Variants in LRRC37A2 observed in about 807,000 individuals in gnomAD.
LRRC37A2 encodes the protein leucine-rich repeat-containing protein 37A2.
Under a neutral mutation model 68.8 loss-of-function variants are expected in LRRC37A2, and 9 were observed. That is an observed-to-expected ratio of 0.13 (90% CI 0.08 to 0.23). The LOEUF (loss-of-function observed/expected upper bound fraction) is 0.23. Ranked by LOEUF, LRRC37A2 falls within the 10% of genes least tolerant of loss-of-function variation. The probability of loss-of-function intolerance (pLI) is 1.00; values close to 1 mark genes in which losing one functional copy is unlikely to be tolerated. For synonymous variants in LRRC37A2, 63 were observed against 367.6 expected (o/e 0.17, Z 9.48); for missense variants, 168 against 950.4 (o/e 0.18, Z 10.82).
chr17:46,773,651 C>G, the LRRC37A2 span: 1 of 1,376,148 alleles, frequency 7.3e-7, no homozygotes, highest in Non-Finnish European at 9.7e-7. Flanking sequence ...CCCCCCCCCT[C>G]AGCCCCAAGG....
chr17:46,940,652 C>A, the LRRC37A2 span: 1 of 1,613,748 alleles, frequency 6.2e-7, no homozygotes, highest in Non-Finnish European at 8.5e-7. Context: ...GAAGTCCCCG[C>A]ACCCATCATG....
chr17:46,954,941 A>G, the LRRC37A2 span, among the ~76,000 whole-genome samples: 25 of 152,262 alleles, frequency 1.6e-4, no homozygotes, highest in African/African-American at 5.8e-4. Flanking sequence ...GGTTTTCTAG[A>G]TATACAATCA....
At chr17:47,008,463 ATT>A in the LRRC37A2 span, among the ~76,000 whole-genome samples, 2 of 134,262 alleles carry the variant, frequency 1.5e-5, no homozygotes, top group African/African-American at 2.8e-5. Flanking sequence ...ATAGATACTT[ATT>A]TTTTTTTTTT....
At chr17:46,497,021 C>T in the LRRC37A2 span, among the ~76,000 whole-genome samples, 1 of 133,198 alleles carries the variant, frequency 7.5e-6, no homozygotes, top group African/African-American at 3.0e-5. Context: ...TTTCTCTACC[C>T]TTTTGCTTTT....
the LRRC37A2 span, among the ~76,000 whole-genome samples, chr17:46,501,717 G>A: frequency 6.6e-6 from 1 of 151,176 alleles, no homozygotes; most frequent in East Asian, 1.9e-4. Context: ...CTCATTGTAT[G>A]CCTCAATTCA....
the LRRC37A2 span, among the ~76,000 whole-genome samples, chr17:46,883,188 T>C: frequency 6.6e-6 from 1 of 151,928 alleles, no homozygotes; most frequent in African/African-American, 2.4e-5. Context: ...TTCACCACGT[T>C]AGCCAGGATG....
the LRRC37A2 span, among the ~76,000 whole-genome samples, chr17:46,717,851 A>G: frequency 6.6e-6 from 1 of 152,196 alleles, no homozygotes; most frequent in African/African-American, 2.4e-5. Context: ...AAGGTCCTGG[A>G]GCATGATGGA....
the LRRC37A2 span, among the ~76,000 whole-genome samples, chr17:46,573,048 C>T: frequency 5.2e-5 from 6 of 114,874 alleles, no homozygotes; most frequent in African/African-American, 2.1e-4. Context: ...AAGATGTCCC[C>T]TTAGCGGCTT....
the LRRC37A2 span, chr17:46,935,562 C>A: frequency 8.4e-7 from 1 of 1,194,744 alleles, no homozygotes; most frequent in Non-Finnish European, 1.0e-6. Flanking sequence ...CCCTTAGGAC[C>A]CCTACTGTGG....
chr17:46,951,895 C>T, the LRRC37A2 span, among the ~76,000 whole-genome samples: 5 of 152,268 alleles, frequency 3.3e-5, no homozygotes, highest in South Asian at 4.2e-4. Flanking sequence ...GCTTCTCCCC[C>T]CCAGACATCA....
chr17:46,978,437 G>A, the LRRC37A2 span: 14 of 541,186 alleles, frequency 2.6e-5, no homozygotes, highest in Admixed American at 5.3e-4. Context: ...CTCCCACCCC[G>A]CAACGCTGCA....
chr17:46,874,876 C>A, the LRRC37A2 span: 2 of 687,134 alleles, frequency 2.9e-6, no homozygotes, highest in East Asian at 2.7e-5. Context: ...CTGTGCCCAG[C>A]CTGGAAGTTC....
chr17:46,918,204 C>T, the LRRC37A2 span, among the ~76,000 whole-genome samples: 7 of 152,276 alleles, frequency 4.6e-5, no homozygotes, highest in Admixed American at 3.3e-4. Flanking sequence ...CTCAGCCTCC[C>T]GAGTAGCTGG....
downstream of LRRC37A2, among the ~76,000 whole-genome samples, chr17:46,558,306 C>G (rs1359109481): frequency 1.8e-5 from 2 of 109,770 alleles, no homozygotes; most frequent in African/African-American, 7.9e-5. Flanking sequence ...GTAATCCACC[C>G]GCCCTGGCCT....
chr17:46,955,871 ACT>A, the LRRC37A2 span, among the ~76,000 whole-genome samples: 1 of 151,756 alleles, frequency 6.6e-6, no homozygotes, highest in Non-Finnish European at 1.5e-5. Context: ...CTACCAACTG[ACT>A]CTCCTGAACT....
the LRRC37A2 span, chr17:46,978,857 C>G: frequency 6.3e-7 from 1 of 1,587,086 alleles, no homozygotes; most frequent in African/African-American, 1.4e-5. Flanking sequence ...CCCGCGGGGA[C>G]CCCGTCGCTG....
the LRRC37A2 span, among the ~76,000 whole-genome samples, chr17:46,496,608 A>G: frequency 0.34 from 26,910 of 79,070 alleles, 2,566 homozygotes; most frequent in South Asian, 0.48. Context: ...ATCTCAAAAG[A>G]AAAAAAAAAA....
the LRRC37A2 span, among the ~76,000 whole-genome samples, chr17:46,879,158 T>C: frequency 2.6e-5 from 4 of 152,250 alleles, no homozygotes; most frequent in Non-Finnish European, 5.9e-5. Flanking sequence ...TTTATATTAT[T>C]TATATAGTTG....
the LRRC37A2 span, among the ~76,000 whole-genome samples, chr17:46,716,879 A>T: frequency 6.6e-6 from 1 of 152,238 alleles, no homozygotes; most frequent in African/African-American, 2.4e-5. Context: ...TTTTTCACTT[A>T]AAATATTATG....
Sources: gnomAD v4.1 joint callset for allele counts (sites outside exome capture counted in the v4.1 genomes callset) on GRCh38, gnomAD v4.1.1 for gene constraint, MANE v1.5 for transcripts, NCBI Gene and HGNC (gene_info 2026-07-23, HGNC 2026-07-21) for gene names.